LIMCH1: variants seen among roughly 807,000 people sequenced by gnomAD.
The protein encoded by LIMCH1 is LIM and calponin homology domains 1, also known as LIM and calponin homology domains-containing protein 1.
A neutral mutation model predicts 176.5 loss-of-function variants in LIMCH1; 113 were observed. That is an observed-to-expected ratio of 0.64 (90% CI 0.55 to 0.75). LIMCH1 has a LOEUF of 0.75. Ranked by LOEUF, LIMCH1 falls within the 30% of genes least tolerant of loss-of-function variation. The pLI, the probability that LIMCH1 is intolerant of heterozygous loss-of-function variation, is 0.00. For synonymous variants in LIMCH1, 619 were observed against 645.9 expected, an observed-to-expected ratio of 0.96 and a Z score of 0.63; for missense variants, 1,674 against 1,814.9, an observed-to-expected ratio of 0.92 and a Z score of 1.41.
intron 1 of LIMCH1, among the ~76,000 whole-genome samples, chr4:41,597,599 A>G (rs2089140445): frequency 6.6e-6 from 1 of 152,190 alleles, no homozygotes; most frequent in Admixed American, 6.5e-5. Context: ...CTGAGGTCCT[A>G]TCTGAACATC....
At chr4:41,420,577 A>G (rs1420282914) in intron 1 of LIMCH1, among the ~76,000 whole-genome samples, 1 of 152,198 alleles carries the variant, frequency 6.6e-6, no homozygotes. Flanking sequence ...TGAGTTGGAC[A>G]TAGGACTTCC....
In LIMCH1 at chr4:41,678,746, G is replaced by A. The variant is rs147040016; in HGVS notation, c.3520-1260G>A. 6.3e-3 allele frequency among the ~76,000 whole-genome samples: 954 copies of A among 151,802 alleles called. 11 individuals are homozygous for A. The highest frequency in any genetic ancestry group is 0.021 in the African/African-American group (888 of 41,428). ...AGAGAGATCGTGTGTGTGTGTGTGT[G>A]AGTGAAATACTGCATCTTTCACTCT... On this transcript the variant is annotated intron_variant, in intron 23 of 31. Transcript: ENST00000503057.
chr4:41,509,963 T>C (rs1339255619), intron 2 of LIMCH1, among the ~76,000 whole-genome samples: 1 of 152,234 alleles, frequency 6.6e-6, no homozygotes, highest in Non-Finnish European at 1.5e-5. Context: ...CTCAAGCTCA[T>C]CCATCTTTGT....
chr4:41,588,388 G>A (rs184752540), intron 1 of LIMCH1, among the ~76,000 whole-genome samples: 1 of 152,222 alleles, frequency 6.6e-6, no homozygotes, highest in African/African-American at 2.4e-5. Flanking sequence ...CTTCTTCCAA[G>A]ATTGGAAGAG....
intron 19 of LIMCH1, 117 bp from the exon 20 acceptor site, chr4:41,662,704 A>G: frequency 9.4e-7 from 1 of 1,067,858 alleles, no homozygotes. Flanking sequence ...CATTCAGCTT[A>G]TATTGCCAGG....
chr4:41,564,528 C>T (rs554121020), intron 1 of LIMCH1, among the ~76,000 whole-genome samples: 18 of 152,202 alleles, frequency 1.2e-4, no homozygotes, highest in Non-Finnish European at 2.2e-4. Context: ...ACATTAAACC[C>T]GATATTTCTA....
chr4:41,546,290 C>G (rs1179578377), intron 1 of LIMCH1, among the ~76,000 whole-genome samples: 1 of 152,070 alleles, frequency 6.6e-6, no homozygotes, highest in Non-Finnish European at 1.5e-5. Flanking sequence ...AGGTGTGCGC[C>G]ACCATGCCCA....
intron 1 of LIMCH1, among the ~76,000 whole-genome samples, chr4:41,427,839 G>A (rs952424793): frequency 4.0e-5 from 6 of 151,816 alleles, no homozygotes; most frequent in Admixed American, 1.3e-4. Context: ...CATTCCTGAC[G>A]GATTCAGCTA....
intron 2 of LIMCH1, among the ~76,000 whole-genome samples, chr4:41,523,059 C>A (rs1406391655): frequency 1.3e-5 from 2 of 151,704 alleles, no homozygotes; most frequent in Admixed American, 6.6e-5. Flanking sequence ...AATGGAATAT[C>A]CTGTCTGTCA....
chr4:41,421,489 A>T (rs1370129803), intron 1 of LIMCH1, among the ~76,000 whole-genome samples: 2 of 152,222 alleles, frequency 1.3e-5, no homozygotes, highest in Admixed American at 1.3e-4. Flanking sequence ...GCATAGGAAG[A>T]TATTTAGGAT....
chr4:41,667,983 A>AT (rs1194002006), intron 21 of LIMCH1, among the ~76,000 whole-genome samples: 2 of 147,146 alleles, frequency 1.4e-5, no homozygotes, highest in African/African-American at 2.6e-5. Context: ...AAAAAAAAAA[A>AT]TTTTAAATAT....
intron 3 of LIMCH1, among the ~76,000 whole-genome samples, chr4:41,604,966 A>G (rs1224907657): frequency 3.9e-5 from 6 of 152,036 alleles, no homozygotes; most frequent in Admixed American, 2.6e-4. Context: ...AGGAGGCACA[A>G]TAAGTACTTC....
At chr4:41,527,785 T>C (rs2076819830) in intron 3 of LIMCH1, among the ~76,000 whole-genome samples, 1 of 129,616 alleles carries the variant, frequency 7.7e-6, no homozygotes, top group African/African-American at 3.1e-5. Flanking sequence ...ATTGCGCCAC[T>C]GCACTCCAGC....
chr4:41,557,291 T>C (rs533940010), intron 1 of LIMCH1, among the ~76,000 whole-genome samples: 64 of 152,254 alleles, frequency 4.2e-4, no homozygotes, highest in Non-Finnish European at 7.9e-4. Context: ...AATGCAAAGA[T>C]AAATGTAAAA....
chr4:41,503,203 G>T (rs764210828), intron 2 of LIMCH1, among the ~76,000 whole-genome samples: 1 of 152,164 alleles, frequency 6.6e-6, no homozygotes, highest in Non-Finnish European at 1.5e-5. Flanking sequence ...AATTCCAGTA[G>T]AAGTCCTGGT....
intron 2 of LIMCH1, among the ~76,000 whole-genome samples, chr4:41,510,563 A>G (rs1370299120): frequency 6.6e-6 from 1 of 151,912 alleles, no homozygotes; most frequent in East Asian, 1.9e-4. Flanking sequence ...TTTTTCTTAA[A>G]TAGCCTACTA....
intron 22 of LIMCH1, 111 bp from the exon 23 acceptor site, chr4:41,676,271 T>C: frequency 1.4e-6 from 1 of 708,164 alleles, no homozygotes; most frequent in Middle Eastern, 2.5e-4. Flanking sequence ...AGCCTTCTGC[T>C]CCTGTGTGTC....
At chr4:41,637,602 A>G (rs2093646701) in intron 13 of LIMCH1, among the ~76,000 whole-genome samples, 1 of 152,238 alleles carries the variant, frequency 6.6e-6, no homozygotes, top group Non-Finnish European at 1.5e-5. Context: ...TACTCTGGAG[A>G]AGGAGAAAAT....
At chr4:41,478,087 G>A (rs775408388) in intron 1 of LIMCH1, among the ~76,000 whole-genome samples, 15 of 152,170 alleles carry the variant, frequency 9.9e-5, no homozygotes, top group Non-Finnish European at 1.6e-4. Context: ...CAAGGGAGTT[G>A]AGCTACTGTG....
Sources: allele counts gnomAD v4.1 joint callset (sites outside exome capture counted in the v4.1 genomes callset), GRCh38; gene constraint gnomAD v4.1.1; transcripts MANE v1.5; gene names NCBI Gene and HGNC (gene_info 2026-07-23, HGNC 2026-07-21).